Variants in LGSN observed in about 807,000 individuals in gnomAD.
LGSN encodes lengsin.
In LGSN, 21 loss-of-function variants were observed where a neutral mutation model predicts 19.5. The ratio of observed to expected loss-of-function variants is 1.07; its 90% CI spans 0.76 to 1.55. The LOEUF (loss-of-function observed/expected upper bound fraction) is 1.55, where lower values mean the gene tolerates loss of function less well. LGSN is among the 40% of genes most tolerant of loss of function. The pLI is 0.00. For missense variants in LGSN, 673 were observed against 608.5 expected (o/e 1.11, Z -1.12); for synonymous variants, 257 against 215.6 (o/e 1.19, Z -1.68).
chr6:63,446,919 G>A, the LGSN span, among the ~76,000 whole-genome samples: 2 of 152,038 alleles, frequency 1.3e-5, no homozygotes, highest in Non-Finnish European at 2.9e-5. Flanking sequence ...TGTGGCAGCG[G>A]GAGCCTGTAA....
chr6:63,330,981 A>T, the LGSN span, among the ~76,000 whole-genome samples: 1 of 152,148 alleles, frequency 6.6e-6, no homozygotes, highest in East Asian at 1.9e-4. Context: ...GTCTGCCTTG[A>T]TCTGTTTTAA....
chr6:63,536,881 G>A, the LGSN span, among the ~76,000 whole-genome samples: 1 of 152,046 alleles, frequency 6.6e-6, no homozygotes, highest in African/African-American at 2.4e-5. Flanking sequence ...TCCCCCTAAA[G>A]CATTCCAATT....
At chr6:63,325,216 C>G in the LGSN span, among the ~76,000 whole-genome samples, 295 of 151,424 alleles carry the variant, frequency 1.9e-3, 3 homozygotes, top group Middle Eastern at 6.8e-3. Context: ...CAAACCAAAC[C>G]CAAAACTAGT....
the LGSN span, among the ~76,000 whole-genome samples, chr6:63,480,940 GATATATATATATATATATATAT>G: frequency 0.015 from 890 of 59,882 alleles, 45 homozygotes; most frequent in African/African-American, 0.036. Flanking sequence ...TAAAGAAAAT[GATATATATATATATATATATAT>G]ATATATATAT....
the LGSN span, among the ~76,000 whole-genome samples, chr6:63,568,521 CAAT>C: frequency 1.3e-5 from 2 of 151,706 alleles, no homozygotes; most frequent in Non-Finnish European, 2.9e-5. Context: ...ATAACAAATG[CAAT>C]AATAATTTAA....
At chr6:63,288,502 A>T (rs1767636585) in intron 2 of LGSN, among the ~76,000 whole-genome samples, 1 of 151,756 alleles carries the variant, frequency 6.6e-6, no homozygotes. Context: ...TATTAATTGT[A>T]TGAAACTTGA....
At chr6:63,446,560 T>C in the LGSN span, among the ~76,000 whole-genome samples, 3 of 152,226 alleles carry the variant, frequency 2.0e-5, no homozygotes, top group Non-Finnish European at 1.5e-5. Context: ...AACGAGCACA[T>C]AGTATGCACC....
chr6:63,466,785 A>C, the LGSN span, among the ~76,000 whole-genome samples: 2 of 152,158 alleles, frequency 1.3e-5, no homozygotes, highest in African/African-American at 4.8e-5. Context: ...CTATGGGAAG[A>C]GTAGAATAGG....
the LGSN span, among the ~76,000 whole-genome samples, chr6:63,420,039 A>G: frequency 4.0e-5 from 6 of 151,280 alleles, no homozygotes; most frequent in Non-Finnish European, 8.8e-5. Flanking sequence ...CGTCTCTACT[A>G]AAAATACAAA....
the LGSN span, among the ~76,000 whole-genome samples, chr6:63,366,651 A>G: frequency 6.6e-6 from 1 of 152,136 alleles, no homozygotes; most frequent in Non-Finnish European, 1.5e-5. Context: ...AAACCAAAAG[A>G]ACAAAGCTGG....
chr6:63,458,609 G>A, the LGSN span, among the ~76,000 whole-genome samples: 2 of 152,122 alleles, frequency 1.3e-5, no homozygotes, highest in African/African-American at 4.8e-5. Flanking sequence ...CTGTGTGAAA[G>A]TTACCCAAAC....
chr6:63,331,877 T>C, the LGSN span, among the ~76,000 whole-genome samples: 1 of 152,076 alleles, frequency 6.6e-6, no homozygotes, highest in South Asian at 2.1e-4. Flanking sequence ...ACCGACGCAT[T>C]CTTGAAAACC....
chr6:63,331,234 T>C, the LGSN span, among the ~76,000 whole-genome samples: 1 of 152,154 alleles, frequency 6.6e-6, no homozygotes, highest in African/African-American at 2.4e-5. Context: ...ATTGCAAGCT[T>C]TGCATAGTTG....
chr6:63,394,440 G>A, the LGSN span, among the ~76,000 whole-genome samples: 1 of 152,182 alleles, frequency 6.6e-6, no homozygotes, highest in African/African-American at 2.4e-5. Context: ...CTAGCATCAT[G>A]ATGGTTTACA....
chr6:63,406,039 G>A, the LGSN span, among the ~76,000 whole-genome samples: 6 of 152,152 alleles, frequency 3.9e-5, no homozygotes, highest in African/African-American at 1.4e-4. Context: ...AGTCCTGAGT[G>A]ACCTACAAAG....
the LGSN span, among the ~76,000 whole-genome samples, chr6:63,394,661 G>A: frequency 2.6e-5 from 4 of 152,106 alleles, no homozygotes; most frequent in African/African-American, 7.2e-5. Flanking sequence ...TAATAAACTC[G>A]CTTTCACTTT....
chr6:63,296,300 A>G (rs1767974234), intron 1 of LGSN, among the ~76,000 whole-genome samples: 1 of 151,698 alleles, frequency 6.6e-6, no homozygotes, highest in Non-Finnish European at 1.5e-5. Flanking sequence ...TACTTAATAT[A>G]TAATAATTAA....
the LGSN span, among the ~76,000 whole-genome samples, chr6:63,333,897 A>G: frequency 6.6e-6 from 1 of 152,240 alleles, no homozygotes; most frequent in African/African-American, 2.4e-5. Flanking sequence ...AAATAGATGC[A>G]GAAAAAGCAT....
At chr6:63,385,445 G>A in the LGSN span, among the ~76,000 whole-genome samples, 1,174 of 152,244 alleles carry the variant, frequency 7.7e-3, 12 homozygotes, top group Middle Eastern at 0.02. Context: ...TTTAAGCTGT[G>A]GTTTTCTATA....
Sources: allele counts gnomAD v4.1 joint callset (sites outside exome capture counted in the v4.1 genomes callset), GRCh38; gene constraint gnomAD v4.1.1; transcripts MANE v1.5; gene names NCBI Gene and HGNC (gene_info 2026-07-23, HGNC 2026-07-21).